Variants in COMMD1 observed in about 807,000 individuals in gnomAD.
COMMD1 encodes the protein COMM domain-containing protein 1.
In COMMD1, 10 loss-of-function variants were observed where a neutral mutation model predicts 17.2. That is an observed-to-expected ratio of 0.58 (90% CI 0.36 to 0.99). COMMD1 has a LOEUF of 0.99. COMMD1 is among the 50% of genes least tolerant of loss of function. The probability of loss-of-function intolerance (pLI) is 0.01; values close to 1 mark genes in which losing one functional copy is unlikely to be tolerated. For synonymous variants in COMMD1, 97 were observed against 91.6 expected (o/e 1.06, Z -0.34); for missense variants, 270 against 231.8 (o/e 1.17, Z -1.07).
intron 2 of COMMD1, among the ~76,000 whole-genome samples, chr2:62,073,142 C>T (rs774412626): frequency 2.0e-5 from 3 of 152,194 alleles, no homozygotes; most frequent in African/African-American, 7.2e-5. Context: ...ATTTCTTTGA[C>T]GTATTTTCAG....
chr2:62,044,859 C>T (rs1468880955), intron 2 of COMMD1, among the ~76,000 whole-genome samples: 2 of 149,860 alleles, frequency 1.3e-5, no homozygotes, highest in South Asian at 2.1e-4. Flanking sequence ...AAAAAAAAGA[C>T]CTGTTTTCTT....
At chr2:61,899,498 CTT>C (rs1054317450) in intron 1 of COMMD1, among the ~76,000 whole-genome samples, 25 of 152,156 alleles carry the variant, frequency 1.6e-4, no homozygotes, top group African/African-American at 4.1e-4. Context: ...ATAATATAAA[CTT>C]ATATTAAATA....
rs143878608 is a variant in COMMD1 at position 62,046,734 on chromosome 2, A to G, written c.462+45752A>G. Among the ~76,000 whole-genome samples, 12 of 152,334 alleles carry G rather than the reference A, an allele frequency of 7.9e-5. No homozygotes were observed. In the East Asian group the frequency reaches 2.3e-3, roughly 29 times the overall value. ...GCAGTTTTGAGGAAAGAACAGATGC[A>G]TTTCTTTTTTCTCTCTCCAGTTTGT... On this transcript the variant is annotated intron_variant, in intron 2 of 2. Coordinates refer to ENST00000311832, the MANE Select transcript of COMMD1 (RefSeq NM_152516.4).
intron 1 of COMMD1, among the ~76,000 whole-genome samples, chr2:61,936,380 C>G (rs560677794): frequency 3.3e-5 from 5 of 152,032 alleles, no homozygotes; most frequent in Middle Eastern, 3.4e-3. Flanking sequence ...GGGAAGCATT[C>G]GAATATAAGA....
At chr2:62,005,307 T>C (rs1164826656) in intron 2 of COMMD1, among the ~76,000 whole-genome samples, 1 of 152,244 alleles carries the variant, frequency 6.6e-6, no homozygotes, top group Non-Finnish European at 1.5e-5. Context: ...ATGTAATTTG[T>C]AGAGTGCTTG....
At chr2:62,073,667 A>G (rs1177318097) in intron 2 of COMMD1, among the ~76,000 whole-genome samples, 1 of 152,192 alleles carries the variant, frequency 6.6e-6, no homozygotes, top group Non-Finnish European at 1.5e-5. Flanking sequence ...ACCCTGAGCC[A>G]TGGTCACTCA....
intron 2 of COMMD1, among the ~76,000 whole-genome samples, chr2:62,041,574 G>T (rs1196942917): frequency 6.6e-6 from 1 of 151,992 alleles, no homozygotes; most frequent in Non-Finnish European, 1.5e-5. Context: ...TGTTTTGTGT[G>T]GAGATGAGGT....
chr2:61,955,381 A>G (rs1396603497), intron 1 of COMMD1, among the ~76,000 whole-genome samples: 3 of 151,328 alleles, frequency 2.0e-5, no homozygotes, highest in African/African-American at 7.3e-5. Context: ...CCTGGTACCT[A>G]GTAGCTGGTA....
chr2:61,959,365 G>T (rs1419681197), intron 1 of COMMD1, among the ~76,000 whole-genome samples: 1 of 152,190 alleles, frequency 6.6e-6, no homozygotes, highest in Non-Finnish European at 1.5e-5. Flanking sequence ...ATATAGCTAT[G>T]AATACTGGAG....
intron 2 of COMMD1, among the ~76,000 whole-genome samples, chr2:62,048,390 G>A (rs1670442920): frequency 6.6e-6 from 1 of 151,824 alleles, no homozygotes; most frequent in South Asian, 2.1e-4. Context: ...GGGTTTCACT[G>A]TGTTTGTCAG....
chr2:61,988,010 A>G (rs960033549), intron 1 of COMMD1, among the ~76,000 whole-genome samples: 6 of 152,176 alleles, frequency 3.9e-5, no homozygotes, highest in African/African-American at 1.2e-4. Context: ...AGGGCTTTTC[A>G]GTCAGCTTGT....
At chr2:61,978,046 A>G (rs1671853336) in intron 1 of COMMD1, among the ~76,000 whole-genome samples, 1 of 151,980 alleles carries the variant, frequency 6.6e-6, no homozygotes, top group South Asian at 2.1e-4. Context: ...ATATAGTCCC[A>G]GAGCTTTGAG....
intron 2 of COMMD1, among the ~76,000 whole-genome samples, chr2:62,032,068 T>G (rs10175101): frequency 0.12 from 18,710 of 152,218 alleles, 2,814 homozygotes; most frequent in African/African-American, 0.36. Context: ...CTAGTTAAAT[T>G]TTTGAAAAGT....
chr2:62,042,774 T>G (rs1172383505), intron 2 of COMMD1, among the ~76,000 whole-genome samples: 1 of 152,184 alleles, frequency 6.6e-6, no homozygotes, highest in Non-Finnish European at 1.5e-5. Context: ...ACTACAAGCA[T>G]AAGCCACCAC....
chr2:61,988,556 A>G (rs1331542282), intron 1 of COMMD1, among the ~76,000 whole-genome samples: 1 of 152,012 alleles, frequency 6.6e-6, no homozygotes. Flanking sequence ...AGTCTTCTCT[A>G]CTGTTTTCTC....
intron 2 of COMMD1, among the ~76,000 whole-genome samples, chr2:62,104,753 C>A (rs548026718): frequency 6.6e-6 from 1 of 152,038 alleles, no homozygotes; most frequent in South Asian, 2.1e-4. Flanking sequence ...ATGTGCCAGG[C>A]ACAATGCTAG....
At chr2:62,059,635 A>G (rs555162928) in intron 2 of COMMD1, among the ~76,000 whole-genome samples, 1 of 152,296 alleles carries the variant, frequency 6.6e-6, no homozygotes, top group Non-Finnish European at 1.5e-5. Context: ...AGGTGTGATT[A>G]TAACCCACTA....
chr2:62,004,096 T>G (rs1669042152), intron 2 of COMMD1, among the ~76,000 whole-genome samples: 1 of 151,840 alleles, frequency 6.6e-6, no homozygotes, highest in Non-Finnish European at 1.5e-5. Flanking sequence ...TCACTTCACT[T>G]TAGCCTTGGT....
At chr2:61,941,634 T>G (rs1194223369) in intron 1 of COMMD1, among the ~76,000 whole-genome samples, 4 of 152,206 alleles carry the variant, frequency 2.6e-5, no homozygotes. Context: ...TGGCATTTAT[T>G]TGGTCCACTA....
Sources: gnomAD v4.1 joint callset for allele counts (sites outside exome capture counted in the v4.1 genomes callset) on GRCh38, gnomAD v4.1.1 for gene constraint, MANE v1.5 for transcripts, NCBI Gene and HGNC (gene_info 2026-07-23, HGNC 2026-07-21) for gene names.